Variants in KIAA1217 observed in about 807,000 individuals in gnomAD.
The protein encoded by KIAA1217 is KIAA1217.
Under a neutral mutation model 163.9 loss-of-function variants are expected in KIAA1217, and 88 were observed. The observed-to-expected ratio is 0.54, with a 90% CI of 0.45 to 0.64. The LOEUF is 0.64. Ranked by LOEUF, KIAA1217 falls within the 30% of genes least tolerant of loss-of-function variation. The pLI is 0.00. For missense variants in KIAA1217, 2,372 were observed against 2,475.0 expected (o/e 0.96, Z 0.88); for synonymous variants, 903 against 923.1 (o/e 0.98, Z 0.39).
chr10:24,222,195 T>C (rs568736539), intron 2 of KIAA1217, among the ~76,000 whole-genome samples: 1 of 152,166 alleles, frequency 6.6e-6, no homozygotes, highest in Admixed American at 6.5e-5. Flanking sequence ...TATATTTTGG[T>C]GTTCTCAAGC....
At chr10:24,287,297 C>T (rs147510966) in intron 2 of KIAA1217, among the ~76,000 whole-genome samples, 2 of 152,142 alleles carry the variant, frequency 1.3e-5, no homozygotes, top group African/African-American at 4.8e-5. Context: ...GTGATCCACC[C>T]GCCTCGGCCT....
chr10:24,409,997 C>CTTT (rs71397947), intron 3 of KIAA1217, among the ~76,000 whole-genome samples: 23 of 123,858 alleles, frequency 1.9e-4, no homozygotes, highest in South Asian at 5.1e-4. Flanking sequence ...TTTCTTTTTT[C>CTTT]TTTTTTTTTT....
intron 1 of KIAA1217, among the ~76,000 whole-genome samples, chr10:23,886,265 C>CT (rs1182296069): frequency 6.6e-6 from 1 of 151,908 alleles, no homozygotes; most frequent in Non-Finnish European, 1.5e-5. Flanking sequence ...ACATGGGCAT[C>CT]TTCACATTTG....
At chr10:24,064,027 TAAG>T in intron 2 of KIAA1217, among the ~76,000 whole-genome samples, 1 of 152,314 alleles carries the variant, frequency 6.6e-6, no homozygotes, top group Admixed American at 6.5e-5. Flanking sequence ...CTTATCAGCT[TAAG>T]GAGATTTAGG....
chr10:23,928,628 A>G (rs891725104), intron 1 of KIAA1217, among the ~76,000 whole-genome samples: 15 of 152,170 alleles, frequency 9.9e-5, no homozygotes, highest in African/African-American at 3.4e-4. Flanking sequence ...AAAACGGTCA[A>G]TGAGCAAGGA....
intron 1 of KIAA1217, among the ~76,000 whole-genome samples, chr10:23,937,770 C>T (rs191195043): frequency 1.9e-4 from 29 of 152,188 alleles, no homozygotes; most frequent in African/African-American, 6.7e-4. Flanking sequence ...CAACTAATAA[C>T]CTGGTGAAAA....
intron 1 of KIAA1217, among the ~76,000 whole-genome samples, chr10:23,729,430 TCC>T (rs1838351194): frequency 1.3e-5 from 2 of 152,206 alleles, no homozygotes; most frequent in Non-Finnish European, 2.9e-5. Context: ...GAATGAGAGT[TCC>T]CGTTACTCCA....
intron 1 of KIAA1217, among the ~76,000 whole-genome samples, chr10:23,817,126 T>A (rs932219890): frequency 3.9e-5 from 6 of 152,146 alleles, no homozygotes; most frequent in Admixed American, 2.0e-4. Flanking sequence ...ACTCTAAGAG[T>A]ATTATATAAT....
At chr10:23,903,351 T>G (rs1403885981) in intron 1 of KIAA1217, among the ~76,000 whole-genome samples, 1 of 152,134 alleles carries the variant, frequency 6.6e-6, no homozygotes, top group African/African-American at 2.4e-5. Context: ...TCAAGGTTTA[T>G]GGCTGAAACC....
chr10:24,166,232 C>T (rs2065339634), intron 2 of KIAA1217, among the ~76,000 whole-genome samples: 1 of 151,674 alleles, frequency 6.6e-6, no homozygotes, highest in Non-Finnish European at 1.5e-5. Flanking sequence ...AAAGAAATCA[C>T]CTGTGAGATT....
At chr10:24,144,142 G>GATTT (rs2064202600) in intron 2 of KIAA1217, among the ~76,000 whole-genome samples, 1 of 152,206 alleles carries the variant, frequency 6.6e-6, no homozygotes, top group African/African-American at 2.4e-5. Context: ...TTACAAGAAT[G>GATTT]ATTCTGTGTT....
At chr10:23,789,096 T>G (rs1359074143) in intron 1 of KIAA1217, among the ~76,000 whole-genome samples, 1 of 152,252 alleles carries the variant, frequency 6.6e-6, no homozygotes. Flanking sequence ...TTGTCTTTTC[T>G]ATTTCCGTTT....
intron 2 of KIAA1217, among the ~76,000 whole-genome samples, chr10:24,078,372 G>T (rs2061433448): frequency 6.6e-6 from 1 of 152,206 alleles, no homozygotes; most frequent in South Asian, 2.1e-4. Context: ...AGAACGTGCA[G>T]CTGAGAGGGG....
rs540142227 is a variant in KIAA1217, at chr10:24,354,218, A to G, written c.355-26651A>G. Among the ~76,000 whole-genome samples, 12 of 152,304 alleles carry G rather than the reference A, an allele frequency of 7.9e-5. No homozygotes were observed. In the South Asian group the frequency reaches 1.7e-3, roughly 21 times the overall value. ...TGATTGCTATTAGCCCTGAAATGGA[A>G]CTGTCCAGAATAGTATTTGTGAAAT... On this transcript the variant is annotated intron_variant, in intron 2 of 20. Transcript: ENST00000376454.
chr10:23,953,949 C>A (rs1589136418), intron 1 of KIAA1217, among the ~76,000 whole-genome samples: 2 of 152,292 alleles, frequency 1.3e-5, no homozygotes, highest in East Asian at 1.9e-4. Flanking sequence ...ATACATCTTA[C>A]AATTTCTAGA....
chr10:24,229,727 C>G (rs1350668599), intron 2 of KIAA1217, among the ~76,000 whole-genome samples: 1 of 152,118 alleles, frequency 6.6e-6, no homozygotes, highest in Non-Finnish European at 1.5e-5. Context: ...CCATATTGGC[C>G]AGGCTGGTCT....
intron 2 of KIAA1217, among the ~76,000 whole-genome samples, chr10:24,104,084 C>T (rs372239105): frequency 6.6e-6 from 1 of 152,202 alleles, no homozygotes; most frequent in East Asian, 1.9e-4. Flanking sequence ...ATGCTATAGC[C>T]ACTTTGGAAG....
chr10:23,859,937 A>C (rs1432700380), intron 1 of KIAA1217, among the ~76,000 whole-genome samples: 1 of 151,964 alleles, frequency 6.6e-6, no homozygotes, highest in East Asian at 1.9e-4. Flanking sequence ...TTAGAATATC[A>C]TGTAGACTTT....
At chr10:24,133,534 T>C (rs2063730608) in intron 2 of KIAA1217, among the ~76,000 whole-genome samples, 1 of 149,290 alleles carries the variant, frequency 6.7e-6, no homozygotes, top group Admixed American at 6.7e-5. Context: ...ACTGCACTAT[T>C]ACACTCCAGC....
Sources: gnomAD v4.1 joint callset for allele counts (sites outside exome capture counted in the v4.1 genomes callset) on GRCh38, gnomAD v4.1.1 for gene constraint, MANE v1.5 for transcripts, NCBI Gene and HGNC (gene_info 2026-07-23, HGNC 2026-07-21) for gene names.